Variants in ODF2 observed in about 807,000 individuals in gnomAD.
ODF2 encodes outer dense fiber protein 2.
Under a neutral mutation model 110.2 loss-of-function variants are expected in ODF2, and 47 were observed. That is an observed-to-expected ratio of 0.43 (90% confidence interval 0.34 to 0.54). ODF2 has a LOEUF of 0.54. Among genes scored for constraint, ODF2 ranks in the 20% least tolerant of loss-of-function variants. ODF2 has a pLI of 0.03. For missense variants in ODF2, 812 were observed against 1,054.5 expected, an observed-to-expected ratio of 0.77 and a Z score of 3.19; for synonymous variants, 352 against 397.7, an observed-to-expected ratio of 0.89 and a Z score of 1.37.
intron 17 of ODF2, among the ~76,000 whole-genome samples, chr9:128,495,697 T>G (rs1845454737): frequency 6.6e-6 from 1 of 152,182 alleles, no homozygotes; most frequent in Non-Finnish European, 1.5e-5. Context: ...GCTCTGTGGT[T>G]GGTTTGTATG....
chr9:128,457,003 G>A, intron 1 of ODF2: 1 of 1,249,998 alleles, frequency 8.0e-7, no homozygotes, highest in Non-Finnish European at 1.0e-6. Context: ...GGGCCCACTT[G>A]GGGCCGAGCG....
rs1843115599 is a variant in ODF2, at chr9:128,485,081, C to T, written c.1290+195C>T. ...GGGTAAAAGCTGGAGGGATGGGTGG[C>T]TGGAGATGATTGGAGGCTTTGTAGG... On this transcript the variant is annotated intron_variant, in intron 12 of 20. Coordinates refer to ENST00000604420, the Ensembl canonical transcript of ODF2. The surrounding 1 kb of genome is among the most constrained non-coding windows in gnomAD (Gnocchi z 5.0). Among the ~76,000 whole-genome samples, 1 of 152,028 alleles carries T rather than the reference C, an allele frequency of 6.6e-6. No homozygotes were observed. Among genetic ancestry groups the T allele is most frequent in the South Asian group, 2.1e-4 (1 of 4,818 alleles).
At position 128,482,897 on chromosome 9, in the gene ODF2, T is replaced by C. The variant is rs1373724270; in HGVS notation, c.987+10T>C. 3.2e-5 allele frequency: 1 copy of C among 31,038 alleles called. No homozygotes were observed. The highest frequency in any genetic ancestry group is 5.9e-4 in the Admixed American group (1 of 1,704). 1.9% of individuals were successfully genotyped at this position (31,038 alleles called of 1,614,324 possible). On this transcript the variant is annotated intron_variant, in intron 10 of 20. Transcript: ENST00000604420. ...AATACAATGTGAGAAGGTAGTGTGCTTTTTTTTTTTTTTTTTTTAGACGGA... is the reference window on the plus strand; with the variant it reads ...AATACAATGTGAGAAGGTAGTGTGCCTTTTTTTTTTTTTTTTTTAGACGGA...
chr9:128,485,633 C>T lies in ODF2; in HGVS notation c.1400+159C>T, dbSNP rs1843213997. ...GTGATGTGGGTAGCCCTGAGCTGGG[C>T]TTTCTGGTTGGAGCTGGGGTGCAAG... On this transcript the variant is annotated intron_variant, in intron 13 of 20. Coordinates refer to ENST00000604420, the Ensembl canonical transcript of ODF2. The surrounding 1 kb of genome is among the most constrained non-coding windows in gnomAD (Gnocchi z 5.0). Among the ~76,000 whole-genome samples, 1 of 152,122 alleles carries T rather than the reference C, an allele frequency of 6.6e-6. No individual in the cohort carries two copies. The highest frequency in any genetic ancestry group is 1.5e-5 in the Non-Finnish European group (1 of 68,028).
intron 14 of ODF2, among the ~76,000 whole-genome samples, chr9:128,488,813 G>C (rs1564517675): frequency 6.6e-6 from 1 of 152,108 alleles, no homozygotes; most frequent in African/African-American, 2.4e-5. Flanking sequence ...AGACCAGCCT[G>C]GCCAACATAG....
In ODF2 at chr9:128,482,810, T is replaced by G. The variant is rs1034713514; in HGVS notation, c.916-6T>G. The G allele has an allele frequency of 6.2e-7, 1 of 1,612,360 alleles. No homozygotes were observed. The highest frequency in any genetic ancestry group is 8.5e-7 in the Non-Finnish European group (1 of 1,179,382). On this transcript the variant is annotated splice_region_variant and splice_polypyrimidine_tract_variant and intron_variant, in intron 9 of 20. Coordinates refer to ENST00000604420, the Ensembl canonical transcript of ODF2. ...GGGGCACCTGACAGCCTGTGTTCTC[T>G]CCCAGCGCCTGCTGTTACTGCTGCA...
chr9:128,495,978 G>A (rs763874497), intron 17 of ODF2, 63 bp from the exon 18 acceptor site: 65 of 1,594,982 alleles, frequency 4.1e-5, no homozygotes, highest in Non-Finnish European at 5.6e-5. Context: ...CAGGTCATAG[G>A]GAAAGGGGAG....
At chr9:128,467,207 C>G (rs1219595055) in intron 4 of ODF2, among the ~76,000 whole-genome samples, 1 of 150,378 alleles carries the variant, frequency 6.6e-6, no homozygotes, top group Non-Finnish European at 1.5e-5. Context: ...GCCTATTGCT[C>G]CTAGGCTACA....
intron 8 of ODF2, among the ~76,000 whole-genome samples, chr9:128,480,692 C>A (rs752494616): frequency 2.6e-5 from 4 of 152,140 alleles, no homozygotes; most frequent in Non-Finnish European, 5.9e-5. Context: ...TGGCAGTTAT[C>A]TGTAATCCCA....
chr9:128,492,390 C>A, intron 14 of ODF2, 36 bp from the exon 15 acceptor site: 2 of 1,443,504 alleles, frequency 1.4e-6, no homozygotes, highest in Non-Finnish European at 2.0e-6. Context: ...TGAAGCAGAA[C>A]CTTCCTGTGG....
intron 13 of ODF2, among the ~76,000 whole-genome samples, chr9:128,487,645 G>A (rs980062334): frequency 6.6e-6 from 1 of 152,088 alleles, no homozygotes; most frequent in Non-Finnish European, 1.5e-5. Context: ...AACTTAGCCG[G>A]GCGTGGCGGT....
At chr9:128,471,468 T>A in exon 6 of ODF2, 1 of 1,612,628 alleles carries the variant, frequency 6.2e-7, no homozygotes. Context: ...GACTTCACCA[T>A]GTAAGGTGGC....
At chr9:128,471,070 C>T (rs1839890459) in intron 5 of ODF2, among the ~76,000 whole-genome samples, 1 of 152,144 alleles carries the variant, frequency 6.6e-6, no homozygotes, top group African/African-American at 2.4e-5. Flanking sequence ...TGTGCCACCA[C>T]ATCTGGCTAA....
At chr9:128,460,644 A>G (rs983482254) in intron 3 of ODF2, 1 of 1,613,996 alleles carries the variant, frequency 6.2e-7, no homozygotes, top group African/African-American at 1.3e-5. Context: ...AAACTCCCGA[A>G]ACCATCAGCG....
In ODF2 at chr9:128,494,891, G is replaced by A; in HGVS notation, c.1911+223G>A. The A allele has an allele frequency of 7.0e-7, 1 of 1,425,312 alleles. No homozygotes were observed. The highest frequency in any genetic ancestry group is 1.5e-5 in the South Asian group (1 of 68,500). 88.3% of individuals were successfully genotyped at this position (1,425,312 alleles called of 1,614,324 possible). A position where few individuals can be genotyped will look rare whatever the true frequency, so the allele number is the denominator to read the frequency against. ...TTATAGGAGCCGTCACTTGCGTGGA[G>A]TCACTGGGCCCTCCTGCTGTTGCCC... On this transcript the variant is annotated intron_variant, in intron 17 of 20. Coordinates refer to ENST00000604420, the Ensembl canonical transcript of ODF2. The surrounding 1 kb of genome is among the most constrained non-coding windows in gnomAD (Gnocchi z 4.6).
At chr9:128,474,760 G>C (rs368946874) in intron 8 of ODF2, among the ~76,000 whole-genome samples, 1 of 152,004 alleles carries the variant, frequency 6.6e-6, no homozygotes, top group African/African-American at 2.4e-5. Flanking sequence ...TCAGGAGTTC[G>C]AGACCTGCTT....
chr9:128,492,572 T>G, intron 15 of ODF2, 36 bp downstream of exon 15: 1 of 1,528,170 alleles, frequency 6.5e-7, no homozygotes, highest in Non-Finnish European at 9.0e-7. Context: ...TTCTGAGCAG[T>G]GCCCTCCCTG....
intron 18 of ODF2, 60 bp downstream of exon 18, chr9:128,496,201 T>TA: frequency 6.2e-7 from 1 of 1,608,252 alleles, no homozygotes; most frequent in Middle Eastern, 1.7e-4. Context: ...TTCAGCCACT[T>TA]AGCTGTTTTT....
In ODF2 at chr9:128,456,630, CCGT is replaced by C. The variant is rs1334834920; in HGVS notation, c.-209+378_-209+380del. 8 of 1,499,060 alleles carry C rather than the reference CCGT, an allele frequency of 5.3e-6. No individual in the cohort carries two copies. The African/African-American group carries it at 7.2e-5, about 13-fold the overall frequency. The allele number at this position is 1,499,060 out of a possible 1,614,324, so 92.9% of individuals were successfully genotyped here. On this transcript the variant is annotated intron_variant, in intron 1 of 20. Coordinates refer to ENST00000604420, the Ensembl canonical transcript of ODF2. Reference sequence around the variant, plus strand: ...CAGAGGCTCTCCCTCGCTCTGCTGCCCGTCGGCGGCATCGCCCCGACCGCCTCG... The same window carrying C: ...CAGAGGCTCTCCCTCGCTCTGCTGCCCGGCGGCATCGCCCCGACCGCCTCG...
Sources: gnomAD v4.1 joint callset for allele counts (sites outside exome capture counted in the v4.1 genomes callset) on GRCh38, gnomAD v4.1.1 for gene constraint, Gnocchi (gnomAD v3.1) non-coding constraint, MANE v1.5 for transcripts, NCBI Gene and HGNC (gene_info 2026-07-23, HGNC 2026-07-21) for gene names.